The following SYNPR variants were observed in gnomAD, a reference collection of about 807,000 sequenced individuals.
SYNPR encodes the protein synaptoporin.
Under a neutral mutation model 32.9 loss-of-function variants are expected in SYNPR, and 23 were observed. The ratio of observed to expected loss-of-function variants is 0.70; its 90% CI spans 0.50 to 0.99. SYNPR has a LOEUF of 0.99. SYNPR is among the 50% of genes least tolerant of loss of function. The probability of loss-of-function intolerance (pLI) is 0.00; values close to 1 mark genes in which losing one functional copy is unlikely to be tolerated. For missense variants in SYNPR, 318 were observed against 349.3 expected, an observed-to-expected ratio of 0.91 and a Z score of 0.71; for synonymous variants, 146 against 135.9, an observed-to-expected ratio of 1.07 and a Z score of -0.52.
At chr3:63,493,328 A>G (rs535537977) in intron 3 of SYNPR, among the ~76,000 whole-genome samples, 1 of 152,250 alleles carries the variant, frequency 6.6e-6, no homozygotes, top group Admixed American at 6.5e-5. Flanking sequence ...GCCAGAGCCG[A>G]GACATGAAAC....
intron 2 of SYNPR, among the ~76,000 whole-genome samples, chr3:63,431,756 A>T (rs557568975): frequency 6.6e-6 from 1 of 152,100 alleles, no homozygotes; most frequent in African/African-American, 2.4e-5. Context: ...AGAAAAAAAA[A>T]ATCACTGAGA....
chr3:63,335,355 A>AC (rs1169065464), intron 2 of SYNPR, among the ~76,000 whole-genome samples: 5 of 144,374 alleles, frequency 3.5e-5, no homozygotes, highest in African/African-American at 1.4e-4. Flanking sequence ...TCCGTCTCAA[A>AC]AAAAAAAAAA....
At chr3:63,209,468 C>T in the SYNPR span, among the ~76,000 whole-genome samples, 118,780 of 152,108 alleles carry the variant, frequency 0.78, 46,881 homozygotes, top group Middle Eastern at 0.87. Flanking sequence ...ATTTTCTGAA[C>T]AGTCTGGGGG....
intron 3 of SYNPR, among the ~76,000 whole-genome samples, chr3:63,505,639 T>C (rs1013124917): frequency 6.6e-6 from 1 of 152,194 alleles, no homozygotes; most frequent in African/African-American, 2.4e-5. Flanking sequence ...AAAAAGTTAA[T>C]TGATAAAGTG....
intron 1 of SYNPR, among the ~76,000 whole-genome samples, chr3:63,251,272 C>A (rs2086328768): frequency 6.6e-6 from 1 of 151,810 alleles, no homozygotes; most frequent in South Asian, 2.1e-4. Context: ...TATTGTCCTG[C>A]CACGAAAAAG....
At chr3:63,310,645 G>T (rs559310666) in intron 2 of SYNPR, among the ~76,000 whole-genome samples, 1 of 151,942 alleles carries the variant, frequency 6.6e-6, no homozygotes, top group South Asian at 2.1e-4. Context: ...CAAGGCCTCA[G>T]AAAAATATTC....
intron 2 of SYNPR, chr3:63,443,409 T>C: frequency 6.3e-7 from 1 of 1,599,124 alleles, no homozygotes; most frequent in Non-Finnish European, 8.5e-7. Context: ...CTATTTTCTT[T>C]CAGGAGAGGG....
chr3:63,256,232 A>C (rs1304721605), intron 2 of SYNPR, among the ~76,000 whole-genome samples: 3 of 152,226 alleles, frequency 2.0e-5, no homozygotes, highest in Non-Finnish European at 4.4e-5. Flanking sequence ...TGGTTCTCCC[A>C]GCACGCAGCT....
At chr3:63,613,773 C>A (rs1700238248) in intron 5 of SYNPR, among the ~76,000 whole-genome samples, 1 of 152,098 alleles carries the variant, frequency 6.6e-6, no homozygotes, top group African/African-American at 2.4e-5. Flanking sequence ...CTCCCAACTA[C>A]CTTCCAAGAA....
At chr3:63,375,939 A>C (rs916303925) in intron 2 of SYNPR, among the ~76,000 whole-genome samples, 1 of 152,190 alleles carries the variant, frequency 6.6e-6, no homozygotes, top group African/African-American at 2.4e-5. Flanking sequence ...TTCCACCTTA[A>C]AACCTGCTTC....
intron 2 of SYNPR, among the ~76,000 whole-genome samples, chr3:63,263,315 T>C (rs964764625): frequency 6.6e-6 from 1 of 152,230 alleles, no homozygotes; most frequent in Non-Finnish European, 1.5e-5. Context: ...AAAGATTCTT[T>C]AGCCTTCACA....
chr3:63,510,979 G>A (rs1170271716), intron 3 of SYNPR, among the ~76,000 whole-genome samples: 2 of 131,990 alleles, frequency 1.5e-5, no homozygotes, highest in Non-Finnish European at 3.5e-5. Flanking sequence ...TGCAAATGTG[G>A]TCTCCTGCAT....
chr3:63,478,137 A>G (rs1403676333), intron 2 of SYNPR, among the ~76,000 whole-genome samples: 1 of 152,328 alleles, frequency 6.6e-6, no homozygotes, highest in East Asian at 1.9e-4. Context: ...ATTGTGGTGT[A>G]TGTGGTTTCA....
At chr3:63,524,266 A>G (rs1271457652) in intron 3 of SYNPR, among the ~76,000 whole-genome samples, 2 of 152,168 alleles carry the variant, frequency 1.3e-5, no homozygotes, top group Non-Finnish European at 2.9e-5. Context: ...CACATTCTAC[A>G]CTTTGAGAAA....
chr3:63,602,726 C>T (rs1011382092), intron 4 of SYNPR, among the ~76,000 whole-genome samples: 1 of 152,040 alleles, frequency 6.6e-6, no homozygotes, highest in African/African-American at 2.4e-5. Context: ...TATAACAGTA[C>T]CATGTTGTTT....
upstream of SYNPR, among the ~76,000 whole-genome samples, chr3:63,226,362 A>C (rs1016756557): frequency 6.6e-6 from 1 of 152,204 alleles, no homozygotes; most frequent in Non-Finnish European, 1.5e-5. Context: ...TATGTATCCA[A>C]AGGAAAAGAA....
intron 4 of SYNPR, among the ~76,000 whole-genome samples, chr3:63,601,434 C>T (rs201579261): frequency 3.3e-5 from 5 of 151,886 alleles, no homozygotes; most frequent in African/African-American, 1.2e-4. Context: ...CTTGGTGTAC[C>T]AATTATTTCG....
At chr3:63,613,214 T>C (rs932424121) in intron 5 of SYNPR, among the ~76,000 whole-genome samples, 11 of 151,842 alleles carry the variant, frequency 7.2e-5, no homozygotes, top group Non-Finnish European at 1.2e-4. Context: ...TAATTTTTTA[T>C]ACTCTTATAT....
chr3:63,534,531 C>G (rs1575697158), intron 3 of SYNPR, among the ~76,000 whole-genome samples: 1 of 152,170 alleles, frequency 6.6e-6, no homozygotes, highest in African/African-American at 2.4e-5. Context: ...GTATCAGATA[C>G]TCTGCTAAGA....
Sources: gnomAD v4.1 joint callset for allele counts (sites outside exome capture counted in the v4.1 genomes callset) on GRCh38, gnomAD v4.1.1 for gene constraint, MANE v1.5 for transcripts, NCBI Gene and HGNC (gene_info 2026-07-23, HGNC 2026-07-21) for gene names.